The following DACH1 variants were observed in gnomAD, a reference collection of about 807,000 sequenced individuals.
DACH1 encodes the protein dachshund family transcription factor 1.
A neutral mutation model predicts 54.2 loss-of-function variants in DACH1; 12 were observed. The ratio of observed to expected loss-of-function variants is 0.22; its 90% CI spans 0.14 to 0.36. The LOEUF is 0.36. Ranked by LOEUF, DACH1 falls within the 10% of genes least tolerant of loss-of-function variation. The pLI is 1.00. For synonymous variants in DACH1, 386 were observed against 366.2 expected (o/e 1.05, Z -0.62); for missense variants, 805 against 929.8 (o/e 0.87, Z 1.75).
chr13:71,501,661 T>A (rs1566300473), intron 6 of DACH1, among the ~76,000 whole-genome samples: 1 of 152,124 alleles, frequency 6.6e-6, no homozygotes, highest in Non-Finnish European at 1.5e-5. Flanking sequence ...TTTGAAATTT[T>A]CAATAATAAA....
intron 3 of DACH1, among the ~76,000 whole-genome samples, chr13:71,611,092 G>A (rs147905127): frequency 1.4e-4 from 22 of 152,146 alleles, no homozygotes; most frequent in Admixed American, 5.9e-4. Context: ...GCAGTCCCTC[G>A]GCACTTGTGC....
intron 1 of DACH1, among the ~76,000 whole-genome samples, chr13:71,789,862 C>A (rs78135449): frequency 1.3e-5 from 2 of 152,018 alleles, no homozygotes; most frequent in Non-Finnish European, 1.5e-5. Flanking sequence ...ACAACAACAA[C>A]AAAAAATGTG....
chr13:71,520,624 CA>C (rs1881527888), intron 6 of DACH1, among the ~76,000 whole-genome samples: 1 of 150,604 alleles, frequency 6.6e-6, no homozygotes, highest in Non-Finnish European at 1.5e-5. Context: ...ACTATACACA[CA>C]AAAAAACTAT....
At chr13:71,501,485 T>G (rs1051321041) in intron 6 of DACH1, among the ~76,000 whole-genome samples, 2 of 152,162 alleles carry the variant, frequency 1.3e-5, no homozygotes, top group Admixed American at 1.3e-4. Context: ...ATTAAAAATA[T>G]GTACAGATTA....
At chr13:71,555,555 G>A (rs1884190756) in intron 6 of DACH1, among the ~76,000 whole-genome samples, 1 of 151,764 alleles carries the variant, frequency 6.6e-6, no homozygotes. Flanking sequence ...TATTGGTCAG[G>A]CTGGTCTCGA....
At chr13:71,820,646 T>C (rs1192540910) in intron 1 of DACH1, among the ~76,000 whole-genome samples, 1 of 152,138 alleles carries the variant, frequency 6.6e-6, no homozygotes, top group East Asian at 1.9e-4. Context: ...TTTTTGGAAA[T>C]GTAAGTCTAA....
At chr13:71,850,545 G>A (rs1317556425) in intron 1 of DACH1, among the ~76,000 whole-genome samples, 2 of 152,032 alleles carry the variant, frequency 1.3e-5, no homozygotes, top group African/African-American at 4.8e-5. Context: ...CACCTCCGAC[G>A]TGCAAGTATA....
At chr13:71,738,996 T>C (rs1184397096) in intron 1 of DACH1, among the ~76,000 whole-genome samples, 1 of 152,028 alleles carries the variant, frequency 6.6e-6, no homozygotes, top group Non-Finnish European at 1.5e-5. Context: ...CTTACTCCTG[T>C]AATCCCAGCA....
At chr13:71,745,770 G>A (rs371255044) in intron 1 of DACH1, among the ~76,000 whole-genome samples, 6 of 152,102 alleles carry the variant, frequency 3.9e-5, no homozygotes, top group Non-Finnish European at 7.3e-5. Context: ...CAAACAAAAC[G>A]GTGTACTCAA....
intron 1 of DACH1, among the ~76,000 whole-genome samples, chr13:71,772,735 C>G (rs1566491076): frequency 6.6e-6 from 1 of 151,608 alleles, no homozygotes; most frequent in Non-Finnish European, 1.5e-5. Flanking sequence ...ATTCCTTTGT[C>G]TAGTATTTCC....
chr13:71,851,842 G>A (rs529720512), intron 1 of DACH1, among the ~76,000 whole-genome samples: 109 of 152,098 alleles, frequency 7.2e-4, no homozygotes, highest in Non-Finnish European at 1.3e-3. Context: ...GGACTACTTC[G>A]GATGAATTTT....
At position 71,765,777 on chromosome 13, in the gene DACH1, A is replaced by G. The variant is rs562735501; in HGVS notation, c.849-83867T>C. Among the ~76,000 whole-genome samples, 3 of 152,348 alleles carry G rather than the reference A, an allele frequency of 2.0e-5. No homozygotes were observed. In the East Asian group the frequency reaches 5.8e-4, roughly 29 times the overall value. On this transcript the variant is annotated intron_variant, in intron 1 of 10. Transcript: ENST00000613252. ...TTTTATAAGTAATGTTTCCATAACA[A>G]CTAACATCTACAGTCATGGAATAAG... is the stretch of plus-strand genomic sequence containing the variant.
intron 1 of DACH1, among the ~76,000 whole-genome samples, chr13:71,759,710 T>C (rs1037595776): frequency 1.3e-5 from 2 of 152,186 alleles, no homozygotes; most frequent in African/African-American, 4.8e-5. Context: ...AACTGCAACA[T>C]TACACTTAAT....
At chr13:71,865,383 C>G (rs1448137321) in intron 1 of DACH1, among the ~76,000 whole-genome samples, 4 of 152,112 alleles carry the variant, frequency 2.6e-5, no homozygotes, top group Non-Finnish European at 5.9e-5. Flanking sequence ...CCCAGCGGGG[C>G]CCTCACCCGG....
intron 1 of DACH1, among the ~76,000 whole-genome samples, chr13:71,698,368 G>T (rs999925383): frequency 1.3e-5 from 2 of 152,082 alleles, no homozygotes; most frequent in Middle Eastern, 6.8e-3. Context: ...TCATACTTTG[G>T]CCATCACTCT....
At chr13:71,591,044 A>G (rs1045716214) in intron 3 of DACH1, among the ~76,000 whole-genome samples, 11 of 151,826 alleles carry the variant, frequency 7.2e-5, no homozygotes, top group African/African-American at 2.4e-4. Context: ...GTTCCCAGCT[A>G]ATTTTTGTAT....
At chr13:71,666,816 A>T (rs2138666609) in intron 2 of DACH1, among the ~76,000 whole-genome samples, 1 of 152,210 alleles carries the variant, frequency 6.6e-6, no homozygotes, top group South Asian at 2.1e-4. Context: ...CTCTGTTTTT[A>T]CTAAAAATAC....
chr13:71,600,827 A>T (rs1379203508), intron 3 of DACH1, among the ~76,000 whole-genome samples: 2 of 152,054 alleles, frequency 1.3e-5, no homozygotes, highest in East Asian at 3.8e-4. Flanking sequence ...GACTAGAATT[A>T]AGTCATTCTC....
intron 1 of DACH1, among the ~76,000 whole-genome samples, chr13:71,711,960 C>A (rs1369932854): frequency 6.6e-6 from 1 of 151,920 alleles, no homozygotes; most frequent in South Asian, 2.1e-4. Context: ...TTATGTTAAC[C>A]AAAACAGCAA....
Sources: allele counts gnomAD v4.1 joint callset (sites outside exome capture counted in the v4.1 genomes callset), GRCh38; gene constraint gnomAD v4.1.1; transcripts MANE v1.5; gene names NCBI Gene and HGNC (gene_info 2026-07-23, HGNC 2026-07-21).